The following KCND2 variants were observed in gnomAD, a reference collection of about 807,000 sequenced individuals.
KCND2 encodes potassium voltage-gated channel subfamily D member 2.
Under a neutral mutation model 54.4 loss-of-function variants are expected in KCND2, and 16 were observed. That is an observed-to-expected ratio of 0.29 (90% CI 0.20 to 0.45). The LOEUF (loss-of-function observed/expected upper bound fraction) is 0.45, where lower values mean the gene tolerates loss of function less well. KCND2 is among the 20% of genes least tolerant of loss of function. The pLI, the probability that KCND2 is intolerant of heterozygous loss-of-function variation, is 1.00. For missense variants in KCND2, 486 were observed against 824.2 expected (o/e 0.59, Z 5.02); for synonymous variants, 317 against 310.7 (o/e 1.02, Z -0.21).
chr7:120,506,158 A>T (rs990888510), intron 1 of KCND2, among the ~76,000 whole-genome samples: 3 of 151,718 alleles, frequency 2.0e-5, no homozygotes, highest in African/African-American at 7.2e-5. Context: ...AAGAGGAAAT[A>T]CATAGAGAGT....
intron 1 of KCND2, among the ~76,000 whole-genome samples, chr7:120,650,007 C>A: frequency 6.6e-6 from 1 of 152,068 alleles, no homozygotes; most frequent in Non-Finnish European, 1.5e-5. Flanking sequence ...ATGGGCTTCC[C>A]TTTGTGGATA....
intron 1 of KCND2, among the ~76,000 whole-genome samples, chr7:120,432,883 G>A (rs1026584476): frequency 6.6e-6 from 1 of 152,018 alleles, no homozygotes; most frequent in Non-Finnish European, 1.5e-5. Flanking sequence ...TATCATTCTA[G>A]GTCCAAATCG....
chr7:120,473,306 G>A (rs911964235), intron 1 of KCND2, among the ~76,000 whole-genome samples: 2 of 152,112 alleles, frequency 1.3e-5, no homozygotes, highest in African/African-American at 2.4e-5. Context: ...TAACCACAGC[G>A]CTCATCGTCA....
intron 4 of KCND2, among the ~76,000 whole-genome samples, chr7:120,745,410 T>C (rs1202832951): frequency 6.6e-6 from 1 of 152,090 alleles, no homozygotes. Flanking sequence ...AAAAATAAAG[T>C]CAGTGGGAAT....
chr7:120,518,880 C>G (rs559944254), intron 1 of KCND2, among the ~76,000 whole-genome samples: 1 of 152,080 alleles, frequency 6.6e-6, no homozygotes. Context: ...ATGATTTATA[C>G]AGGTAGACCC....
Position 120,629,218 on chromosome 7 carries a change from T to C in KCND2, c.1116-103685T>C, listed in dbSNP as rs576530309. ...ATTAGAAAGAAGGGGCCGGGCACAG[T>C]GGCTCACGCCTGTAATCCCACCACT... is the stretch of plus-strand genomic sequence containing the variant. On this transcript the variant is annotated intron_variant, in intron 1 of 5. Coordinates refer to ENST00000331113, the MANE Select transcript of KCND2 (RefSeq NM_012281.3). Among the ~76,000 whole-genome samples, 193 of 152,334 alleles carry C rather than the reference T, an allele frequency of 1.3e-3. 1 individual carries two copies. Among genetic ancestry groups the C allele is most frequent in the African/African-American group, 4.6e-3 (190 of 41,586 alleles).
chr7:120,566,173 T>C (rs1371071104), intron 1 of KCND2, among the ~76,000 whole-genome samples: 1 of 152,166 alleles, frequency 6.6e-6, no homozygotes, highest in East Asian at 1.9e-4. Context: ...TATTTTACCC[T>C]GAAATAACAG....
intron 1 of KCND2, among the ~76,000 whole-genome samples, chr7:120,655,531 T>G (rs1176828940): frequency 6.6e-6 from 1 of 152,102 alleles, no homozygotes; most frequent in Non-Finnish European, 1.5e-5. Flanking sequence ...ATAAAGTTGT[T>G]TATATGCAGT....
At chr7:120,313,375 G>A (rs1386073870) in intron 1 of KCND2, among the ~76,000 whole-genome samples, 1 of 151,990 alleles carries the variant, frequency 6.6e-6, no homozygotes, top group East Asian at 1.9e-4. Context: ...TAGATAATAG[G>A]CAGCTTGTTT....
At chr7:120,370,929 T>C (rs1800755862) in intron 1 of KCND2, among the ~76,000 whole-genome samples, 1 of 151,822 alleles carries the variant, frequency 6.6e-6, no homozygotes, top group Non-Finnish European at 1.5e-5. Flanking sequence ...TGAAGGTGAG[T>C]GATTTTATTA....
At chr7:120,516,542 G>T (rs1355746798) in intron 1 of KCND2, among the ~76,000 whole-genome samples, 1 of 152,048 alleles carries the variant, frequency 6.6e-6, no homozygotes, top group Admixed American at 6.6e-5. Flanking sequence ...CATAGGCTAG[G>T]ACATGAAAAA....
intron 1 of KCND2, among the ~76,000 whole-genome samples, chr7:120,470,687 A>G (rs774890446): frequency 2.6e-5 from 4 of 152,072 alleles, no homozygotes; most frequent in Non-Finnish European, 2.9e-5. Flanking sequence ...TGGTGATTCT[A>G]TAAGAATTAG....
rs114814517 is a variant in KCND2 at position 120,454,574 on chromosome 7, C to T, written c.1115+178827C>T. 4.1e-3 allele frequency among the ~76,000 whole-genome samples: 617 copies of T among 152,060 alleles called. 4 individuals carry two copies. The highest frequency in any genetic ancestry group is 0.014 in the African/African-American group (561 of 41,486). On this transcript the variant is annotated intron_variant, in intron 1 of 5. Transcript: ENST00000331113. ...AATCAGTAATAAAAAGCTTACCAAC[C>T]GGAAAAAAATTCGGACCAGATGGAT...
At chr7:120,281,018 T>C (rs1306423341) in intron 1 of KCND2, among the ~76,000 whole-genome samples, 1 of 152,136 alleles carries the variant, frequency 6.6e-6, no homozygotes, top group Non-Finnish European at 1.5e-5. Flanking sequence ...TACAACCTTG[T>C]ATTCTCATCC....
chr7:120,704,795 T>C (rs1433383393), intron 1 of KCND2, among the ~76,000 whole-genome samples: 1 of 152,196 alleles, frequency 6.6e-6, no homozygotes, highest in African/African-American at 2.4e-5. Context: ...TTACTCCATT[T>C]ATCTAAGTTT....
chr7:120,664,943 G>A (rs756806086), intron 1 of KCND2, among the ~76,000 whole-genome samples: 13 of 151,972 alleles, frequency 8.6e-5, no homozygotes, highest in African/African-American at 2.7e-4. Flanking sequence ...AAAATAAAAC[G>A]TACAACTATC....
chr7:120,645,311 G>A (rs1017373104), intron 1 of KCND2, among the ~76,000 whole-genome samples: 2 of 152,026 alleles, frequency 1.3e-5, no homozygotes, highest in African/African-American at 4.8e-5. Flanking sequence ...ATGACTAGTA[G>A]CATGTTAATA....
At chr7:120,403,923 T>C (rs17324726) in intron 1 of KCND2, among the ~76,000 whole-genome samples, 15,761 of 152,088 alleles carry the variant, frequency 0.1, 857 homozygotes, top group Admixed American at 0.13. Context: ...TTTTGCACAT[T>C]GAGACTAATG....
intron 1 of KCND2, among the ~76,000 whole-genome samples, chr7:120,343,996 A>G (rs1800277738): frequency 6.6e-6 from 1 of 152,172 alleles, no homozygotes; most frequent in African/African-American, 2.4e-5. Flanking sequence ...AGTTCAAAGC[A>G]GTCAGATGAT....
Sources: allele counts gnomAD v4.1 joint callset (sites outside exome capture counted in the v4.1 genomes callset), GRCh38; gene constraint gnomAD v4.1.1; transcripts MANE v1.5; gene names NCBI Gene and HGNC (gene_info 2026-07-23, HGNC 2026-07-21).